Variants in GABRA2 observed in about 807,000 individuals in gnomAD.
GABRA2 encodes the protein gamma-aminobutyric acid type A receptor subunit alpha2.
A neutral mutation model predicts 48.7 loss-of-function variants in GABRA2; 16 were observed. That is an observed-to-expected ratio of 0.33 (90% CI 0.22 to 0.50). The LOEUF (loss-of-function observed/expected upper bound fraction) is 0.50. Among genes scored for constraint, GABRA2 ranks in the 20% least tolerant of loss-of-function variants. The probability of loss-of-function intolerance (pLI) is 0.98; values close to 1 mark genes in which losing one functional copy is unlikely to be tolerated. For synonymous variants in GABRA2, 185 were observed against 184.5 expected, an observed-to-expected ratio of 1.00 and a Z score of -0.02; for missense variants, 275 against 535.6, an observed-to-expected ratio of 0.51 and a Z score of 4.80.
chr4:46,260,186 G>T (rs767673237), intron 9 of GABRA2, among the ~76,000 whole-genome samples: 1 of 151,890 alleles, frequency 6.6e-6, no homozygotes, highest in Non-Finnish European at 1.5e-5. Flanking sequence ...CACTCTAGCT[G>T]TGGAAAAGGA....
chr4:46,352,721 C>G (rs1402402087), intron 3 of GABRA2, among the ~76,000 whole-genome samples: 1 of 152,020 alleles, frequency 6.6e-6, no homozygotes, highest in African/African-American at 2.4e-5. Flanking sequence ...GTACTTGTCT[C>G]TATATATCCA....
chr4:46,322,624 G>A (rs1430510305), intron 4 of GABRA2, among the ~76,000 whole-genome samples: 1 of 151,950 alleles, frequency 6.6e-6, no homozygotes, highest in Non-Finnish European at 1.5e-5. Flanking sequence ...TCCACACTGA[G>A]AACAAGAATC....
At chr4:46,287,523 G>A (rs992654147) in intron 8 of GABRA2, among the ~76,000 whole-genome samples, 9 of 148,494 alleles carry the variant, frequency 6.1e-5, no homozygotes, top group African/African-American at 2.0e-4. Context: ...GTAAACTATC[G>A]CAAGAACAAA....
intron 1 of GABRA2, chr4:46,389,530 G>T: frequency 1.9e-6 from 1 of 524,902 alleles, no homozygotes; most frequent in Non-Finnish European, 2.4e-6. Context: ...AGGTGTCCTG[G>T]ATTTTATTGT....
intron 3 of GABRA2, among the ~76,000 whole-genome samples, chr4:46,354,608 C>T (rs974092384): frequency 2.0e-5 from 3 of 152,024 alleles, no homozygotes; most frequent in Non-Finnish European, 4.4e-5. Flanking sequence ...TGTTCTTGAC[C>T]TCCAATTAAC....
intron 4 of GABRA2, among the ~76,000 whole-genome samples, chr4:46,315,455 T>C (rs1484993264): frequency 6.6e-6 from 1 of 152,008 alleles, no homozygotes; most frequent in African/African-American, 2.4e-5. Context: ...AGTTTGAGTC[T>C]TTTTTCTCCC....
At chr4:46,297,079 G>A (rs1257915758) in intron 8 of GABRA2, among the ~76,000 whole-genome samples, 3 of 152,078 alleles carry the variant, frequency 2.0e-5, no homozygotes, top group African/African-American at 4.8e-5. Flanking sequence ...TTGACAAACG[G>A]TGGACTTGTG....
At chr4:46,304,819 G>C (rs1429983235) in intron 7 of GABRA2, among the ~76,000 whole-genome samples, 1 of 150,700 alleles carries the variant, frequency 6.6e-6, no homozygotes, top group Non-Finnish European at 1.5e-5. Flanking sequence ...CCAGCTACTC[G>C]GGAGGCTGAG....
intron 8 of GABRA2, among the ~76,000 whole-genome samples, chr4:46,264,518 T>C (rs890085579): frequency 3.3e-5 from 5 of 152,232 alleles, no homozygotes; most frequent in African/African-American, 1.2e-4. Flanking sequence ...CAACCTTGCA[T>C]TTCTGGGATA....
rs981934826 is a variant in GABRA2 at position 46,250,319 on chromosome 4, C to T, written c.1345G>A (p.Val449Ile). ...ACATGGGTCTCAATTCAAGGACTGA[C>T]CCCTAATACAGGTTCTCTGTTTAAA... ...TYLNREPVLGVSP is the reference protein window; with the variant it reads ...TYLNREPVLGISP Residue 449 changes from valine to isoleucine, a missense_variant, in exon 10 of 10, where the codon GTC becomes ATC. Physicochemically the swap from Val to Ile is conservative, Grantham distance 29. Around this residue, in one of 4 missense-constraint regions of GABRA2, gnomAD observed 99 missense variants for 124.3 expected, o/e 0.80. Coordinates refer to ENST00000381620, the MANE Select transcript of GABRA2 (RefSeq NM_000807.4). The T allele has an allele frequency of 3.1e-5, 50 of 1,609,884 alleles. No homozygotes were observed. Among genetic ancestry groups the T allele is most frequent in the Non-Finnish European group, 4.1e-5 (48 of 1,177,664 alleles).
chr4:46,265,510 T>G (rs1718036534), intron 8 of GABRA2, among the ~76,000 whole-genome samples: 1 of 130,148 alleles, frequency 7.7e-6, no homozygotes, highest in African/African-American at 4.2e-5. Flanking sequence ...ATATGTTTTC[T>G]CTATGGTCAG....
At chr4:46,360,319 A>C (rs1176404564) in intron 3 of GABRA2, among the ~76,000 whole-genome samples, 1 of 152,210 alleles carries the variant, frequency 6.6e-6, no homozygotes, top group Non-Finnish European at 1.5e-5. Flanking sequence ...GGAGGAATCC[A>C]GTGGGAGGTA....
chr4:46,284,320 T>TG lies in GABRA2; in HGVS notation c.856+19139dup, dbSNP rs1722115867. Among the ~76,000 whole-genome samples, 3 of 152,308 alleles carry TG rather than the reference T, an allele frequency of 2.0e-5. No homozygotes were observed. In the South Asian group the frequency reaches 6.2e-4, roughly 32 times the overall value. ...TGAGGTTTGTATACTGTTAATGCAT[T>TG]GTCTAGTCTCAGGAACCTCGAAAGC... On this transcript the variant is annotated intron_variant, in intron 8 of 9. Coordinates refer to ENST00000381620, the MANE Select transcript of GABRA2 (RefSeq NM_000807.4).
intron 8 of GABRA2, 30 bp from the exon 9 acceptor site, chr4:46,262,158 A>T (rs371071670): frequency 6.3e-7 from 1 of 1,584,060 alleles, no homozygotes; most frequent in African/African-American, 1.3e-5. Context: ...AATCGAAAAC[A>T]TCAATAGGTA....
At chr4:46,306,969 T>A (rs192078266) in intron 6 of GABRA2, among the ~76,000 whole-genome samples, 1 of 152,188 alleles carries the variant, frequency 6.6e-6, no homozygotes, top group Non-Finnish European at 1.5e-5. Context: ...GTTTTCTGAA[T>A]GTTGCTACTA....
intron 3 of GABRA2, among the ~76,000 whole-genome samples, chr4:46,380,335 T>C (rs1034097149): frequency 6.6e-6 from 1 of 152,210 alleles, no homozygotes; most frequent in African/African-American, 2.4e-5. Flanking sequence ...ACTGAATGCA[T>C]AAGAAACACA....
intron 1 of GABRA2, 124 bp from the exon 2 acceptor site, chr4:46,388,840 C>A: frequency 6.6e-7 from 1 of 1,506,524 alleles, no homozygotes; most frequent in South Asian, 1.3e-5. Context: ...GAGATTACTT[C>A]CTGGACTCTG....
intron 3 of GABRA2, among the ~76,000 whole-genome samples, chr4:46,354,161 T>C (rs1443342560): frequency 6.6e-6 from 1 of 152,152 alleles, no homozygotes; most frequent in African/African-American, 2.4e-5. Context: ...TCTTGGCAAA[T>C]GCAGAAGCCA....
At chr4:46,291,075 G>C (rs1723532314) in intron 8 of GABRA2, among the ~76,000 whole-genome samples, 1 of 152,114 alleles carries the variant, frequency 6.6e-6, no homozygotes. Context: ...TTTTTGGTAT[G>C]ATGGTAACTC....
Sources: allele counts gnomAD v4.1 joint callset (sites outside exome capture counted in the v4.1 genomes callset), GRCh38; gene constraint gnomAD v4.1.1; regional missense constraint gnomAD v4.1.1; transcripts MANE v1.5; gene names NCBI Gene and HGNC (gene_info 2026-07-23, HGNC 2026-07-21).